PCDH9: variants seen among roughly 807,000 people sequenced by gnomAD.
The protein encoded by PCDH9 is protocadherin 9.
In PCDH9, 24 loss-of-function variants were observed where a neutral mutation model predicts 70.6. The ratio of observed to expected loss-of-function variants is 0.34; its 90% CI spans 0.25 to 0.48. The LOEUF (loss-of-function observed/expected upper bound fraction) is 0.48. Ranked by LOEUF, PCDH9 falls within the 20% of genes least tolerant of loss-of-function variation. The pLI is 0.99. For missense variants in PCDH9, 1,281 were observed against 1,503.6 expected (o/e 0.85, Z 2.45); for synonymous variants, 562 against 558.5 (o/e 1.01, Z -0.09).
intron 3 of PCDH9, among the ~76,000 whole-genome samples, chr13:66,771,178 C>T (rs2079801167): frequency 6.6e-6 from 1 of 152,118 alleles, no homozygotes; most frequent in Admixed American, 6.6e-5. Context: ...GAACCCCTGG[C>T]CTCAAGTGGT....
intron 3 of PCDH9, among the ~76,000 whole-genome samples, chr13:66,760,456 A>G (rs1175008543): frequency 1.3e-5 from 2 of 152,142 alleles, no homozygotes; most frequent in African/African-American, 2.4e-5. Context: ...GACATTTATG[A>G]GTTCCCCAAA....
intron 4 of PCDH9, among the ~76,000 whole-genome samples, chr13:66,617,900 C>A (rs1593785726): frequency 6.6e-6 from 1 of 152,278 alleles, no homozygotes; most frequent in Admixed American, 6.5e-5. Context: ...GGAAGCAGTT[C>A]TTCGTCCTTA....
chr13:67,135,734 T>C (rs1566446988), intron 2 of PCDH9, among the ~76,000 whole-genome samples: 2 of 152,090 alleles, frequency 1.3e-5, no homozygotes, highest in Admixed American at 1.3e-4. Flanking sequence ...AAAAAGCACT[T>C]GCAGAAAAAT....
At chr13:67,095,631 C>T (rs1363859701) in intron 2 of PCDH9, among the ~76,000 whole-genome samples, 2 of 152,268 alleles carry the variant, frequency 1.3e-5, no homozygotes, top group African/African-American at 4.8e-5. Context: ...TATTAGCTTT[C>T]TGCTCTTCAG....
chr13:66,964,838 A>C (rs547051002), intron 2 of PCDH9, among the ~76,000 whole-genome samples: 59 of 152,116 alleles, frequency 3.9e-4, no homozygotes, highest in African/African-American at 1.4e-3. Flanking sequence ...TTTTTGACTG[A>C]GAGATCTGGG....
rs201647924 is a variant in PCDH9, at chr13:66,946,762, C to CA, written c.3037-43158dup. 5.3e-3 allele frequency among the ~76,000 whole-genome samples: 790 copies of CA among 149,936 alleles called. 6 individuals carry two copies. The highest frequency in any genetic ancestry group is 9.4e-3 in the Admixed American group (141 of 15,044). On this transcript the variant is annotated intron_variant, in intron 2 of 4. Transcript: ENST00000377865. Reference sequence around the variant, plus strand: ...TCACAAATTGTATATATTTTAGAAACAAAAAAAAATTCTAATAGAATTTTA... The same window carrying CA: ...TCACAAATTGTATATATTTTAGAAACAAAAAAAAAATTCTAATAGAATTTTA...
intron 2 of PCDH9, among the ~76,000 whole-genome samples, chr13:67,111,049 C>A (rs578072670): frequency 1.3e-5 from 2 of 152,312 alleles, no homozygotes; most frequent in East Asian, 1.9e-4. Context: ...ACAGCTTGAT[C>A]TAATAGAATC....
intron 4 of PCDH9, among the ~76,000 whole-genome samples, chr13:66,434,002 T>G (rs1458944655): frequency 6.6e-6 from 1 of 151,914 alleles, no homozygotes; most frequent in Non-Finnish European, 1.5e-5. Flanking sequence ...AGGCAATAAC[T>G]AATTTTCTAA....
intron 3 of PCDH9, among the ~76,000 whole-genome samples, chr13:66,653,265 A>T (rs1301794438): frequency 6.6e-6 from 1 of 152,190 alleles, no homozygotes; most frequent in Non-Finnish European, 1.5e-5. Flanking sequence ...TCCATCTGAC[A>T]AGGGCTTAAC....
chr13:66,685,470 GC>G (rs2078387631), intron 3 of PCDH9, among the ~76,000 whole-genome samples: 2 of 152,166 alleles, frequency 1.3e-5, no homozygotes, highest in Admixed American at 1.3e-4. Flanking sequence ...CAGGGGTGGA[GC>G]CCTCATGGAG....
intron 3 of PCDH9, among the ~76,000 whole-genome samples, chr13:66,887,034 AACACACACACACACACAC>A (rs9317623): frequency 9.7e-5 from 14 of 143,974 alleles, no homozygotes; most frequent in Admixed American, 3.5e-4. Flanking sequence ...CAAATATAAT[AACACACACACACACACAC>A]ACACACACAC....
chr13:66,824,785 A>G (rs2080788601), intron 3 of PCDH9, among the ~76,000 whole-genome samples: 1 of 150,702 alleles, frequency 6.6e-6, no homozygotes, highest in East Asian at 2.0e-4. Context: ...GTAGAACATT[A>G]AAATTCAATT....
At chr13:66,714,681 G>T (rs753805458) in intron 3 of PCDH9, among the ~76,000 whole-genome samples, 1 of 152,050 alleles carries the variant, frequency 6.6e-6, no homozygotes, top group Non-Finnish European at 1.5e-5. Context: ...TAACAAATAT[G>T]CACTAAATGT....
intron 3 of PCDH9, among the ~76,000 whole-genome samples, chr13:66,862,957 G>A (rs1175303267): frequency 3.3e-5 from 5 of 151,960 alleles, no homozygotes; most frequent in South Asian, 2.1e-4. Context: ...TTTGTTTTTA[G>A]CAGTCCATCA....
chr13:67,185,918 G>A (rs2088746726), intron 2 of PCDH9, among the ~76,000 whole-genome samples: 1 of 152,042 alleles, frequency 6.6e-6, no homozygotes, highest in Non-Finnish European at 1.5e-5. Flanking sequence ...TTTTAGTAGA[G>A]ACAGGGTTTC....
chr13:66,821,012 A>T (rs545038421), intron 3 of PCDH9, among the ~76,000 whole-genome samples: 1 of 152,262 alleles, frequency 6.6e-6, no homozygotes, highest in East Asian at 1.9e-4. Flanking sequence ...ATTTAAAAAG[A>T]TTCCCTCCTT....
intron 4 of PCDH9, among the ~76,000 whole-genome samples, chr13:66,603,031 C>T (rs919255577): frequency 3.4e-5 from 5 of 145,696 alleles, no homozygotes; most frequent in Admixed American, 1.4e-4. Flanking sequence ...TGTGTAAGTA[C>T]CCTCTTTGAT....
chr13:66,460,318 A>T (rs898758045), intron 4 of PCDH9, among the ~76,000 whole-genome samples: 1 of 151,926 alleles, frequency 6.6e-6, no homozygotes, highest in Non-Finnish European at 1.5e-5. Context: ...ACCTTTTCTA[A>T]TTTGAAGAGC....
At chr13:66,865,007 A>T (rs1007746049) in intron 3 of PCDH9, among the ~76,000 whole-genome samples, 1 of 152,250 alleles carries the variant, frequency 6.6e-6, no homozygotes, top group Non-Finnish European at 1.5e-5. Flanking sequence ...CAAGATCTTT[A>T]AATCAAATTC....
Sources: allele counts gnomAD v4.1 joint callset (sites outside exome capture counted in the v4.1 genomes callset), GRCh38; gene constraint gnomAD v4.1.1; transcripts MANE v1.5; gene names NCBI Gene and HGNC (gene_info 2026-07-23, HGNC 2026-07-21).